The following FAM168A variants were observed in gnomAD, a reference collection of about 807,000 sequenced individuals.
FAM168A encodes the protein protein FAM168A.
In FAM168A, 3 loss-of-function variants were observed where a neutral mutation model predicts 28.5. That is an observed-to-expected ratio of 0.11 (90% confidence interval 0.05 to 0.27). The LOEUF is 0.27. Among genes scored for constraint, FAM168A ranks in the 10% least tolerant of loss-of-function variants. The pLI is 1.00. For synonymous variants in FAM168A, 122 were observed against 124.2 expected, an observed-to-expected ratio of 0.98 and a Z score of 0.12; for missense variants, 222 against 311.5, an observed-to-expected ratio of 0.71 and a Z score of 2.16.
intron 6 of FAM168A, among the ~76,000 whole-genome samples, chr11:73,408,217 T>C (rs1866543380): frequency 6.6e-6 from 1 of 152,194 alleles, no homozygotes; most frequent in Non-Finnish European, 1.5e-5. Context: ...ACAATCATAC[T>C]GAGTAGTAAT....
chr11:73,530,464 G>A (rs1337110267), intron 1 of FAM168A, among the ~76,000 whole-genome samples: 1 of 152,084 alleles, frequency 6.6e-6, no homozygotes, highest in Non-Finnish European at 1.5e-5. Flanking sequence ...TCAAAGCAGC[G>A]ACTCTCCAGG....
intron 3 of FAM168A, among the ~76,000 whole-genome samples, chr11:73,423,386 C>G (rs1281479239): frequency 1.3e-5 from 2 of 152,216 alleles, no homozygotes; most frequent in African/African-American, 4.8e-5. Context: ...TAGTTCTCCA[C>G]TGACTCTAAG....
chr11:73,436,830 TTTTAC>T (rs1867095140), intron 2 of FAM168A, among the ~76,000 whole-genome samples: 1 of 152,226 alleles, frequency 6.6e-6, no homozygotes, highest in Non-Finnish European at 1.5e-5. Context: ...GCCAAAATTC[TTTTAC>T]TTTATCTTCA....
intron 1 of FAM168A, among the ~76,000 whole-genome samples, chr11:73,543,858 G>T (rs759348523): frequency 1.3e-4 from 20 of 152,156 alleles, no homozygotes; most frequent in Admixed American, 5.2e-4. Flanking sequence ...GATACATAAA[G>T]TGGCTCACAT....
At chr11:73,529,973 G>A (rs1380693195) in intron 1 of FAM168A, among the ~76,000 whole-genome samples, 3 of 151,806 alleles carry the variant, frequency 2.0e-5, no homozygotes, top group African/African-American at 7.3e-5. Flanking sequence ...TTTTAGTAGA[G>A]ACAGGGTTTC....
intron 1 of FAM168A, among the ~76,000 whole-genome samples, chr11:73,532,467 G>C (rs1378524905): frequency 1.3e-5 from 2 of 152,156 alleles, no homozygotes; most frequent in African/African-American, 4.8e-5. Context: ...CTGGGGTCTA[G>C]AACATTAGGC....
intron 2 of FAM168A, among the ~76,000 whole-genome samples, chr11:73,444,044 C>A (rs778040414): frequency 6.6e-6 from 1 of 152,148 alleles, no homozygotes; most frequent in African/African-American, 2.4e-5. Context: ...GTGGGAAGAA[C>A]GGGGGTTCTG....
At chr11:73,431,215 G>A (rs1006658154) in intron 2 of FAM168A, among the ~76,000 whole-genome samples, 16 of 152,020 alleles carry the variant, frequency 1.1e-4, no homozygotes, top group Admixed American at 9.8e-4. Context: ...GGTGGTGGGC[G>A]CCTGTGGTCC....
chr11:73,426,319 A>G (rs1210243299), intron 3 of FAM168A, among the ~76,000 whole-genome samples: 1 of 152,232 alleles, frequency 6.6e-6, no homozygotes, highest in Non-Finnish European at 1.5e-5. Flanking sequence ...AGCTTGGGAA[A>G]AAGCTCCAAA....
At chr11:73,464,865 A>AT (rs59307110) in intron 2 of FAM168A, among the ~76,000 whole-genome samples, 10,535 of 147,188 alleles carry the variant, frequency 0.072, 408 homozygotes, top group Admixed American at 0.11. Flanking sequence ...CTGTTTTATC[A>AT]TTTTTTTTTT....
rs186760059 is a variant in FAM168A, at chr11:73,462,239, G to A, written c.70+6166C>T. ...CAAGTGTCCACATACCACTGCATGC[G>A]GCATATACATAAAACAGAATATTAT... On this transcript the variant is annotated intron_variant, in intron 2 of 7. Transcript: ENST00000356467. Among the ~76,000 whole-genome samples the A allele has an allele frequency of 1.2e-3, 188 of 152,170 alleles. 1 individual carries two copies. The highest frequency in any genetic ancestry group is 4.0e-3 in the African/African-American group (168 of 41,510).
intron 1 of FAM168A, among the ~76,000 whole-genome samples, chr11:73,572,120 G>A (rs1459864120): frequency 3.3e-5 from 5 of 151,582 alleles, no homozygotes; most frequent in African/African-American, 1.2e-4. Flanking sequence ...GGGAAGTGAG[G>A]AGCGTTTCCG....
chr11:73,571,980 C>T (rs1944096853), intron 1 of FAM168A, among the ~76,000 whole-genome samples: 2 of 150,726 alleles, frequency 1.3e-5, no homozygotes, highest in African/African-American at 2.4e-5. Context: ...TCTGCCCAGC[C>T]GCCCCGTCTG....
At chr11:73,527,684 A>T (rs893809649) in intron 1 of FAM168A, among the ~76,000 whole-genome samples, 1 of 152,180 alleles carries the variant, frequency 6.6e-6, no homozygotes, top group Non-Finnish European at 1.5e-5. Flanking sequence ...TTAAGTTATT[A>T]AGTAGCAGAA....
At position 73,405,862 on chromosome 11, in the gene FAM168A, G is replaced by A. The variant is rs1866495720; in HGVS notation, c.*901C>T. ...CAGAGTGGGTCCATGACAGCTCAGAGGCTGAAGTCTGGATGACACAGGGCA... is the reference window on the plus strand; with the variant it reads ...CAGAGTGGGTCCATGACAGCTCAGAAGCTGAAGTCTGGATGACACAGGGCA... On this transcript the variant is annotated 3_prime_UTR_variant, in exon 8 of 8. Transcript: ENST00000356467. The A allele has an allele frequency of 6.6e-6, 1 of 152,510 alleles. No individual in the cohort carries two copies. Among genetic ancestry groups the A allele is most frequent in the East Asian group, 1.9e-4 (1 of 5,200 alleles). The allele number at this position is 152,510 out of a possible 1,614,324, so 9.4% of individuals were successfully genotyped here.
At chr11:73,464,877 TA>T (rs201596878) in intron 2 of FAM168A, among the ~76,000 whole-genome samples, 4 of 151,038 alleles carry the variant, frequency 2.6e-5, no homozygotes, top group African/African-American at 9.7e-5. Context: ...TTTTTTTTTT[TA>T]AAACAAATGA....
intron 2 of FAM168A, among the ~76,000 whole-genome samples, chr11:73,449,048 T>C (rs1867377675): frequency 6.6e-6 from 1 of 152,120 alleles, no homozygotes; most frequent in Non-Finnish European, 1.5e-5. Flanking sequence ...TGATCATGGC[T>C]CACTGCAGCC....
In FAM168A at chr11:73,518,367, A is replaced by C. The variant is rs1439412650; in HGVS notation, c.-18-49875T>G. Among the ~76,000 whole-genome samples the C allele has an allele frequency of 4.0e-5, 6 of 151,544 alleles. No homozygotes were observed. In the East Asian group the frequency reaches 9.6e-4, roughly 24 times the overall value. On this transcript the variant is annotated intron_variant, in intron 1 of 7. Coordinates refer to ENST00000356467, the MANE Select transcript of FAM168A (RefSeq NM_015159.3). ...CCCCTATCCTAAGTGAAATAAAAGAAATTTTAAAATATTAAAAAACATTAA... is the reference window on the plus strand; with the variant it reads ...CCCCTATCCTAAGTGAAATAAAAGACATTTTAAAATATTAAAAAACATTAA...
In FAM168A at chr11:73,585,871, CAAAAAAAAAAAAA is replaced by C. The variant is rs11358691; in HGVS notation, c.-19+12039_-19+12051del. 2.0e-4 allele frequency among the ~76,000 whole-genome samples: 16 copies of C among 81,664 alleles called. No individual in the cohort carries two copies. In the East Asian group the frequency reaches 6.0e-3, roughly 31 times the overall value. The allele number at this position is 81,664 out of a possible 152,430, so 53.6% of individuals were successfully genotyped here. ...TGACAAAGTAAGACTCCATCTCAAA[CAAAAAAAAAAAAA>C]AAAAAAAAAGAGATTGACCCTTTCC... On this transcript the variant is annotated intron_variant, in intron 1 of 7. Coordinates refer to ENST00000356467, the MANE Select transcript of FAM168A (RefSeq NM_015159.3).
Sources: allele counts gnomAD v4.1 joint callset (sites outside exome capture counted in the v4.1 genomes callset), GRCh38; gene constraint gnomAD v4.1.1; transcripts MANE v1.5; gene names NCBI Gene and HGNC (gene_info 2026-07-23, HGNC 2026-07-21).